TCF20: variants seen among roughly 807,000 people sequenced by gnomAD.
TCF20 encodes the protein transcription factor 20, also known as SPRE-binding protein.
Under a neutral mutation model 148.6 loss-of-function variants are expected in TCF20, and 3 were observed. That is an observed-to-expected ratio of 0.02 (90% CI 0.01 to 0.05). The LOEUF (loss-of-function observed/expected upper bound fraction) is 0.05, where lower values mean the gene tolerates loss of function less well. Ranked by LOEUF, TCF20 falls within the 10% of genes least tolerant of loss-of-function variation. The probability of loss-of-function intolerance (pLI) is 1.00; values close to 1 mark genes in which losing one functional copy is unlikely to be tolerated. For missense variants in TCF20, 2,350 were observed against 2,429.3 expected, an observed-to-expected ratio of 0.97 and a Z score of 0.69; for synonymous variants, 1,049 against 909.5, an observed-to-expected ratio of 1.15 and a Z score of -2.76.
intron 1 of TCF20, among the ~76,000 whole-genome samples, chr22:42,305,156 G>A (rs1335340897): frequency 6.6e-6 from 1 of 152,026 alleles, no homozygotes; most frequent in Admixed American, 6.5e-5. Flanking sequence ...AACACAACCT[G>A]AGCAAATGTC....
At chr22:42,254,495 C>A (rs1925610268) in intron 1 of TCF20, among the ~76,000 whole-genome samples, 1 of 152,204 alleles carries the variant, frequency 6.6e-6, no homozygotes, top group African/African-American at 2.4e-5. Context: ...TATTGTCCAG[C>A]CCTTGTAACA....
Position 42,279,153 on chromosome 22 carries a change from A to G in TCF20, c.-37+4674T>C, listed in dbSNP as rs1357036950. 6.6e-6 allele frequency among the ~76,000 whole-genome samples: 1 copy of G among 152,096 alleles called. No homozygotes were observed. The highest frequency in any genetic ancestry group is 1.9e-4 in the East Asian group (1 of 5,196). ...GCTTCCTTTACCCGTCCTGCCTCAGATGGACTCCCAGCATCATCATCTGCC... is the reference window on the plus strand; with the variant it reads ...GCTTCCTTTACCCGTCCTGCCTCAGGTGGACTCCCAGCATCATCATCTGCC... On this transcript the variant is annotated intron_variant, in intron 1 of 5. Coordinates refer to the TCF20 transcript ENST00000359486. This position sits in a 1 kb window ranked among gnomAD's most constrained non-coding sequence, Gnocchi z 4.3.
upstream of TCF20, chr22:42,274,990 G>A (rs1179459867): frequency 6.6e-6 from 1 of 152,212 alleles, no homozygotes; most frequent in Non-Finnish European, 1.5e-5. Flanking sequence ...TTTTACAGAT[G>A]GGGCCACTGA....
chr22:42,309,583 G>A (rs1377128797), intron 1 of TCF20, among the ~76,000 whole-genome samples: 1 of 151,658 alleles, frequency 6.6e-6, no homozygotes, highest in Non-Finnish European at 1.5e-5. Context: ...ATCTACGGCT[G>A]CTGCACACCC....
rs1040037222 is a variant in TCF20 at position 42,208,204 on chromosome 22, T to G, written c.5655+1447A>C. Among the ~76,000 whole-genome samples the G allele has an allele frequency of 4.6e-5, 7 of 152,122 alleles. No homozygotes were observed. In the East Asian group the frequency reaches 9.7e-4, roughly 21 times the overall value. ...AACAAAAACAAAAAATACGTTATAA[T>G]GTATTCAAAAAGCAAGAGAAACGAT... On this transcript the variant is annotated intron_variant, in intron 2 of 5. Transcript: ENST00000677622.
intron 2 of TCF20, among the ~76,000 whole-genome samples, chr22:42,183,156 C>CG (rs1461831337): frequency 2.6e-5 from 4 of 152,070 alleles, no homozygotes; most frequent in Non-Finnish European, 5.9e-5. Flanking sequence ...TTTTCAGATG[C>CG]GGAAAAAAGA....
At chr22:42,242,151 C>T (rs138347669) in intron 1 of TCF20, among the ~76,000 whole-genome samples, 186 of 135,538 alleles carry the variant, frequency 1.4e-3, no homozygotes, top group African/African-American at 4.4e-3. Context: ...TGCAGTGAGC[C>T]GAAATCGCAC....
intron 2 of TCF20, among the ~76,000 whole-genome samples, chr22:42,189,716 T>C (rs1304672051): frequency 2.6e-5 from 4 of 152,248 alleles, no homozygotes; most frequent in African/African-American, 7.2e-5. Flanking sequence ...AAGCTTTTTT[T>C]CCGTATCATT....
rs770363191 is a variant in TCF20 at position 42,168,656 on chromosome 22, C to G, written c.5880G>C (p.Gly1960=). ...GSLSTEQSER[G] is the part of the protein sequence containing the mutation. ...TCCCACGAGCACACTGCCCCCCTCA[C>G]CCCCGCTCCGACTGCTCTGTGCTGA... The change falls in exon 5 of 6, where the codon GGG becomes GGC. Residue 1960 remains glycine, a synonymous_variant. Coordinates refer to ENST00000677622, the MANE Select transcript of TCF20 (RefSeq NM_001378418.1). 3 of 1,602,914 alleles carry G rather than the reference C, an allele frequency of 1.9e-6. 1 individual carries two copies. Among genetic ancestry groups the G allele is most frequent in the Non-Finnish European group, 2.6e-6 (3 of 1,174,790 alleles).
At chr22:42,233,534 C>T (rs911969625) in intron 1 of TCF20, among the ~76,000 whole-genome samples, 13 of 152,322 alleles carry the variant, frequency 8.5e-5, no homozygotes, top group Admixed American at 4.6e-4. Context: ...CAGTGCAAAT[C>T]GCACTTTTCC....
rs551764127 is a variant in TCF20, at chr22:42,253,553, C to T, written c.-37+16786G>A. On this transcript the variant is annotated intron_variant, in intron 1 of 5. Transcript: ENST00000677622. ...TCAAGATTTACCCCTTAAATATAGG[C>T]GTATGAAAAACCAAAAGCATCAACA... Among the ~76,000 whole-genome samples, 8 of 151,972 alleles carry T rather than the reference C, an allele frequency of 5.3e-5. No homozygotes were observed. The South Asian group carries it at 1.5e-3, about 28-fold the overall frequency.
intron 2 of TCF20, among the ~76,000 whole-genome samples, chr22:42,204,829 G>C (rs1462803664): frequency 2.0e-5 from 3 of 152,024 alleles, no homozygotes; most frequent in Non-Finnish European, 2.9e-5. Context: ...TGGCAACAGA[G>C]CAAGACTCAT....
At chr22:42,216,154 G>A (rs533192865) in intron 1 of TCF20, among the ~76,000 whole-genome samples, 1 of 133,664 alleles carries the variant, frequency 7.5e-6, no homozygotes, top group East Asian at 2.4e-4. Context: ...CAGGGGCACA[G>A]TCGTAGTTCA....
chr22:42,171,117 G>A (rs992719432), intron 3 of TCF20, among the ~76,000 whole-genome samples: 3 of 152,232 alleles, frequency 2.0e-5, no homozygotes, highest in African/African-American at 4.8e-5. Flanking sequence ...GCCTCCAGGT[G>A]AGCTGAGCTC....
At chr22:42,295,231 G>A (rs1927210143) in intron 1 of TCF20, among the ~76,000 whole-genome samples, 1 of 152,078 alleles carries the variant, frequency 6.6e-6, no homozygotes, top group African/African-American at 2.4e-5. Context: ...GCATACAGCT[G>A]CCCCTGCACC....
At chr22:42,286,566 G>A (rs1052897835), upstream of TCF20, among the ~76,000 whole-genome samples, 6 of 152,182 alleles carry the variant, frequency 3.9e-5, no homozygotes, top group African/African-American at 9.7e-5. Flanking sequence ...AGCAAGAGCC[G>A]ATCCCAGTTA....
At chr22:42,261,808 A>G (rs1313249162) in intron 1 of TCF20, among the ~76,000 whole-genome samples, 2 of 152,186 alleles carry the variant, frequency 1.3e-5, no homozygotes, top group Non-Finnish European at 2.9e-5. Context: ...ACTGGCCAAC[A>G]TGGTGGAACC....
chr22:42,196,753 G>A lies in TCF20; in HGVS notation c.5655+12898C>T, dbSNP rs564694040. On this transcript the variant is annotated intron_variant, in intron 2 of 5. Coordinates refer to ENST00000677622, the MANE Select transcript of TCF20 (RefSeq NM_001378418.1). The stretch of plus-strand genomic sequence containing the variant: ...ACTAGAAACTTCCACTAGCTGCTCC[G>A]TGAGAAACACATAACAGAGATGAAA... Among the ~76,000 whole-genome samples the A allele has an allele frequency of 4.0e-5, 6 of 149,534 alleles. No individual in the cohort carries two copies. In the East Asian group the frequency reaches 1.0e-3, roughly 25 times the overall value.
rs905404501 is a variant in TCF20 at position 42,338,890 on chromosome 22, C to T, written c.-37+4589G>A. ...AAAATTCTGATTAAAGCCATAATCA[C>T]GGAGATCTAAGGATGGGGGTGAGCA... is the stretch of plus-strand genomic sequence containing the variant. On this transcript the variant is annotated intron_variant, in intron 1 of 1. Transcript: ENST00000515426. This position sits in a 1 kb window ranked among gnomAD's most constrained non-coding sequence, Gnocchi z 4.0. Among the ~76,000 whole-genome samples the T allele has an allele frequency of 3.9e-5, 6 of 152,256 alleles. No individual in the cohort carries two copies. The highest frequency in any genetic ancestry group is 3.9e-4 in the East Asian group (2 of 5,186).
Sources: allele counts gnomAD v4.1 joint callset (sites outside exome capture counted in the v4.1 genomes callset), GRCh38; gene constraint gnomAD v4.1.1; non-coding constraint Gnocchi (gnomAD v3.1); transcripts MANE v1.5; gene names NCBI Gene and HGNC (gene_info 2026-07-23, HGNC 2026-07-21).